Variants in CERKL observed in about 807,000 individuals in gnomAD.
CERKL encodes the protein ceramide kinase-like protein.
Under a neutral mutation model 63.4 loss-of-function variants are expected in CERKL, and 61 were observed. That is an observed-to-expected ratio of 0.96 (90% CI 0.78 to 1.19). The LOEUF (loss-of-function observed/expected upper bound fraction) is 1.19. CERKL is among the 50% of genes most tolerant of loss of function. CERKL has a pLI of 0.00. For synonymous variants in CERKL, 250 were observed against 230.5 expected (o/e 1.08, Z -0.77); for missense variants, 675 against 655.5 (o/e 1.03, Z -0.33).
chr2:181,609,001 T>C (rs1236389896), intron 1 of CERKL, among the ~76,000 whole-genome samples: 2 of 152,162 alleles, frequency 1.3e-5, no homozygotes, highest in African/African-American at 2.4e-5. Flanking sequence ...TCTAGACTCG[T>C]GTGGGATAAA....
intron 2 of CERKL, among the ~76,000 whole-genome samples, chr2:181,603,315 T>C (rs1685534943): frequency 6.6e-6 from 1 of 152,144 alleles, no homozygotes; most frequent in Non-Finnish European, 1.5e-5. Context: ...TAAAAACAAC[T>C]CTCAGGTGAA....
intron 2 of CERKL, chr2:181,603,621 G>A (rs1574489021): frequency 1.9e-5 from 11 of 583,726 alleles, no homozygotes; most frequent in South Asian, 1.5e-4. Context: ...ATTAATATAA[G>A]ATACCACATT....
Position 181,549,584 on chromosome 2 carries a change from T to C in CERKL, c.895+50A>G, listed in dbSNP as rs756369188. 5 of 1,357,130 alleles carry C rather than the reference T, an allele frequency of 3.7e-6. No homozygotes were observed. The African/African-American group carries it at 7.2e-5, about 19-fold the overall frequency. 84.1% of individuals were successfully genotyped at this position (1,357,130 alleles called of 1,614,324 possible). ...TGGAAATAAGATGGCCTTCCTTATATAAATCAACATTTCCTTATAAAATAT... is the reference window on the plus strand; with the variant it reads ...TGGAAATAAGATGGCCTTCCTTATACAAATCAACATTTCCTTATAAAATAT... On this transcript the variant is annotated intron_variant, in intron 6 of 12. Coordinates refer to ENST00000410087, the MANE Select transcript of CERKL (RefSeq NM_201548.5).
intron 1 of CERKL, among the ~76,000 whole-genome samples, chr2:181,614,842 T>TA (rs935679016): frequency 1.4e-4 from 22 of 152,280 alleles, no homozygotes; most frequent in Non-Finnish European, 2.4e-4. Context: ...CCTTTATTGG[T>TA]AAAAAATATG....
Position 181,537,928 on chromosome 2 carries a change from T to A in CERKL, c.*256A>T, listed in dbSNP as rs1301443519. ...TCCCCCTGTCAGATCAGCAGCAGCA[T>A]TAGATTCTCATAGAAGTGCGAACCA... is the stretch of plus-strand genomic sequence containing the variant. On this transcript the variant is annotated 3_prime_UTR_variant, in exon 13 of 13. Coordinates refer to ENST00000410087, the MANE Select transcript of CERKL (RefSeq NM_201548.5). The A allele has an allele frequency of 1.7e-6, 1 of 596,856 alleles. No individual in the cohort carries two copies. Among genetic ancestry groups the A allele is most frequent in the Non-Finnish European group, 3.2e-6 (1 of 316,974 alleles). The allele number at this position is 596,856 out of a possible 1,614,324, so 37.0% of individuals were successfully genotyped here.
intron 1 of CERKL, among the ~76,000 whole-genome samples, chr2:181,640,927 C>T (rs551917435): frequency 6.6e-5 from 10 of 152,270 alleles, no homozygotes; most frequent in African/African-American, 1.2e-4. Context: ...GGGCCCCATC[C>T]GGGATGCAGG....
At position 181,624,864 on chromosome 2, in the gene CERKL, T is replaced by C. The variant is rs191986569; in HGVS notation, c.239-20785A>G. ...CATATTTAGAGGCTGCAGGAGAAAATGTGGAGTTTGTTGTAGAACATAAGT... is the reference window on the plus strand; with the variant it reads ...CATATTTAGAGGCTGCAGGAGAAAACGTGGAGTTTGTTGTAGAACATAAGT... On this transcript the variant is annotated intron_variant, in intron 1 of 12. Transcript: ENST00000410087. 3.1e-3 allele frequency among the ~76,000 whole-genome samples: 471 copies of C among 152,084 alleles called. 4 individuals carry two copies. Among genetic ancestry groups the C allele is most frequent in the African/African-American group, 0.011 (448 of 41,496 alleles).
chr2:181,652,562 G>A (rs1687985684), intron 1 of CERKL, among the ~76,000 whole-genome samples: 6 of 152,012 alleles, frequency 3.9e-5, no homozygotes, highest in Admixed American at 3.9e-4. Flanking sequence ...AATTATTCTC[G>A]ACACTGACCT....
intron 1 of CERKL, among the ~76,000 whole-genome samples, chr2:181,645,209 G>C (rs1687618384): frequency 6.6e-6 from 1 of 152,186 alleles, no homozygotes; most frequent in African/African-American, 2.4e-5. Flanking sequence ...AAAAGGGGGA[G>C]AGGGGAATAC....
At chr2:181,605,257 G>C (rs1246839070) in intron 1 of CERKL, among the ~76,000 whole-genome samples, 1 of 152,150 alleles carries the variant, frequency 6.6e-6, no homozygotes, top group Non-Finnish European at 1.5e-5. Flanking sequence ...AGGAGAACTG[G>C]GGGTTCAGGA....
chr2:181,610,230 C>A (rs1685905302), intron 1 of CERKL, among the ~76,000 whole-genome samples: 1 of 152,092 alleles, frequency 6.6e-6, no homozygotes, highest in Non-Finnish European at 1.5e-5. Flanking sequence ...TGCAAATTGA[C>A]CAATGAACAA....
At chr2:181,626,345 C>T (rs566455971) in intron 1 of CERKL, among the ~76,000 whole-genome samples, 10 of 151,658 alleles carry the variant, frequency 6.6e-5, no homozygotes, top group Non-Finnish European at 1.0e-4. Context: ...TCAAGAAAAA[C>T]CAATATAGTG....
At position 181,558,467 on chromosome 2, in the gene CERKL, G is replaced by A; in HGVS notation, c.820+99C>T. On this transcript the variant is annotated intron_variant, in intron 5 of 12. Coordinates refer to ENST00000410087, the MANE Select transcript of CERKL (RefSeq NM_201548.5). The surrounding 1 kb of genome is among the most constrained non-coding windows in gnomAD (Gnocchi z 4.2). The stretch of plus-strand genomic sequence containing the variant: ...ATGCCAGAAGTCTGGATCTTTCAAA[G>A]TCTGTTCATTAATTCTGTGTTGTGC... 6 of 1,327,938 alleles carry A rather than the reference G, an allele frequency of 4.5e-6. No homozygotes were observed. Among genetic ancestry groups the A allele is most frequent in the Non-Finnish European group, 6.4e-6 (6 of 931,556 alleles). The allele number at this position is 1,327,938 out of a possible 1,614,324, so 82.3% of individuals were successfully genotyped here. A position where few individuals can be genotyped will look rare whatever the true frequency, so the allele number is the denominator to read the frequency against.
chr2:181,542,744 C>A (rs1269171935), intron 11 of CERKL, among the ~76,000 whole-genome samples: 1 of 152,066 alleles, frequency 6.6e-6, no homozygotes, highest in East Asian at 1.9e-4. Context: ...GCAAGATATG[C>A]CTCGTAGAGT....
At chr2:181,644,154 G>A (rs1210722458) in intron 1 of CERKL, among the ~76,000 whole-genome samples, 1 of 152,222 alleles carries the variant, frequency 6.6e-6, no homozygotes, top group Non-Finnish European at 1.5e-5. Flanking sequence ...TTTCTGAGGT[G>A]TATTCTTAAT....
intron 2 of CERKL, among the ~76,000 whole-genome samples, chr2:181,583,765 GAATAA>G (rs1385820696): frequency 2.6e-5 from 4 of 152,084 alleles, no homozygotes; most frequent in African/African-American, 7.2e-5. Flanking sequence ...ATGTCAGAGA[GAATAA>G]AACATACGAA....
intron 1 of CERKL, among the ~76,000 whole-genome samples, chr2:181,622,311 G>C (rs1039088217): frequency 1.3e-5 from 2 of 152,156 alleles, no homozygotes; most frequent in Non-Finnish European, 2.9e-5. Flanking sequence ...CATGGGGCTT[G>C]CTACCAACAT....
intron 1 of CERKL, among the ~76,000 whole-genome samples, chr2:181,652,341 G>A (rs1193366513): frequency 6.6e-6 from 1 of 152,090 alleles, no homozygotes; most frequent in Non-Finnish European, 1.5e-5. Context: ...ATAAATTTTT[G>A]CACCTACAAC....
At chr2:181,542,523 C>A (rs773108221) in intron 11 of CERKL, among the ~76,000 whole-genome samples, 19 of 152,042 alleles carry the variant, frequency 1.2e-4, no homozygotes, top group Admixed American at 2.6e-4. Flanking sequence ...AATAAACACA[C>A]CTGTGTGGAT....
Sources: allele counts gnomAD v4.1 joint callset (sites outside exome capture counted in the v4.1 genomes callset), GRCh38; gene constraint gnomAD v4.1.1; non-coding constraint Gnocchi (gnomAD v3.1); transcripts MANE v1.5; gene names NCBI Gene and HGNC (gene_info 2026-07-23, HGNC 2026-07-21).